FRMD6: variants seen among roughly 807,000 people sequenced by gnomAD.
The protein encoded by FRMD6 is FERM domain containing 6, also known as FERM domain-containing protein 6.
FRMD6 carries 37 observed loss-of-function variants against 73.2 expected under a neutral mutation model. The observed-to-expected ratio is 0.51, with a 90% CI of 0.39 to 0.66. The LOEUF (loss-of-function observed/expected upper bound fraction) is 0.66, where lower values mean the gene tolerates loss of function less well. Ranked by LOEUF, FRMD6 falls within the 30% of genes least tolerant of loss-of-function variation. FRMD6 has a pLI of 0.00. For synonymous variants in FRMD6, 273 were observed against 282.2 expected, an observed-to-expected ratio of 0.97 and a Z score of 0.33; for missense variants, 714 against 780.5, an observed-to-expected ratio of 0.91 and a Z score of 1.02.
the FRMD6 span, among the ~76,000 whole-genome samples, chr14:51,423,575 T>C: frequency 1.3e-5 from 2 of 152,184 alleles, no homozygotes; most frequent in African/African-American, 2.4e-5. Context: ...CACCCTTTAA[T>C]GGACACTGGC....
chr14:51,544,596 C>A (rs1460065391), intron 1 of FRMD6, among the ~76,000 whole-genome samples: 1 of 151,534 alleles, frequency 6.6e-6, no homozygotes, highest in Non-Finnish European at 1.5e-5. Context: ...GCCTTGAATT[C>A]TCCAAAGTGC....
At chr14:51,415,196 G>T in the FRMD6 span, among the ~76,000 whole-genome samples, 1 of 152,188 alleles carries the variant, frequency 6.6e-6, no homozygotes, top group Non-Finnish European at 1.5e-5. Flanking sequence ...ATGTTGAATA[G>T]GAGTGGTGAG....
At chr14:51,564,899 G>T in intron 1 of FRMD6, among the ~76,000 whole-genome samples, 1 of 152,182 alleles carries the variant, frequency 6.6e-6, no homozygotes, top group Non-Finnish European at 1.5e-5. Flanking sequence ...TATTTAAAGA[G>T]AATCAAAAAC....
rs769668838 is a variant in FRMD6 at position 51,603,858 on chromosome 14, T to TA, written c.-147+33455dup. ...CACATGGTGACAGGCACATAAGCAC[T>TA]AAAAAAATGACTAATTTTCAACATA... On this transcript the variant is annotated intron_variant, in intron 2 of 14. Transcript: ENST00000356218. 3.0e-4 allele frequency among the ~76,000 whole-genome samples: 45 copies of TA among 151,370 alleles called. No individual in the cohort carries two copies. The South Asian group carries it at 3.3e-3, about 11-fold the overall frequency.
At chr14:51,656,514 AATGATTCTCCTGCCTC>A (rs1276072188) in intron 1 of FRMD6, among the ~76,000 whole-genome samples, 1 of 151,790 alleles carries the variant, frequency 6.6e-6, no homozygotes, top group Non-Finnish European at 1.5e-5. Context: ...CCCGGGTCCA[AATGATTCTCCTGCCTC>A]AGCCTCCCGA....
intron 1 of FRMD6, among the ~76,000 whole-genome samples, chr14:51,555,395 C>G (rs751706354): frequency 4.7e-4 from 72 of 152,110 alleles, no homozygotes; most frequent in Non-Finnish European, 1.0e-4. Flanking sequence ...AGCCAGGTAC[C>G]TTTGATTTTC....
intron 1 of FRMD6, among the ~76,000 whole-genome samples, chr14:51,662,010 G>A (rs1479325769): frequency 6.6e-6 from 1 of 152,110 alleles, no homozygotes; most frequent in Non-Finnish European, 1.5e-5. Flanking sequence ...GGTAGGGGTA[G>A]GGCTCTAGTA....
Position 51,499,570 on chromosome 14 carries a change from G to A in FRMD6, c.-210+10150G>A, listed in dbSNP as rs574159696. On this transcript the variant is annotated intron_variant, in intron 1 of 14. Coordinates refer to the FRMD6 transcript ENST00000356218. ...CCCAAGGTCACACAGCAAATAAGAC[G>A]TGGAGTAGGGGCCTGACCCCAGGCA... 6.1e-4 allele frequency among the ~76,000 whole-genome samples: 93 copies of A among 152,302 alleles called. 2 individuals carry two copies. The South Asian group carries it at 0.018, about 30-fold the overall frequency.
intron 2 of FRMD6, among the ~76,000 whole-genome samples, chr14:51,611,887 C>T (rs908891266): frequency 2.7e-5 from 4 of 150,938 alleles, no homozygotes; most frequent in Non-Finnish European, 4.4e-5. Flanking sequence ...GATTATATAG[C>T]GATAATGGGG....
At chr14:51,450,242 C>T in the FRMD6 span, among the ~76,000 whole-genome samples, 1 of 152,058 alleles carries the variant, frequency 6.6e-6, no homozygotes, top group Non-Finnish European at 1.5e-5. Context: ...TAGAGCTCTT[C>T]AGGGAAAATG....
At chr14:51,616,954 C>T (rs1890738979) in intron 2 of FRMD6, among the ~76,000 whole-genome samples, 1 of 152,184 alleles carries the variant, frequency 6.6e-6, no homozygotes, top group Admixed American at 6.5e-5. Flanking sequence ...GCATTTTATA[C>T]ACTTCCCTTT....
chr14:51,424,137 G>A, the FRMD6 span, among the ~76,000 whole-genome samples: 1 of 152,304 alleles, frequency 6.6e-6, no homozygotes, highest in South Asian at 2.1e-4. Flanking sequence ...CCTTGATGAG[G>A]TGTTGAAGAA....
At chr14:51,545,185 T>A (rs1307148772) in intron 1 of FRMD6, among the ~76,000 whole-genome samples, 1 of 152,126 alleles carries the variant, frequency 6.6e-6, no homozygotes, top group Non-Finnish European at 1.5e-5. Context: ...TGGTGTCTGT[T>A]AACCGAAGAC....
chr14:51,714,939 A>C (rs1897160594), intron 9 of FRMD6: 1 of 153,902 alleles, frequency 6.5e-6, no homozygotes, highest in African/African-American at 2.4e-5. Flanking sequence ...TTGGTAAATA[A>C]TTTAGAATCT....
intron 1 of FRMD6, among the ~76,000 whole-genome samples, chr14:51,512,817 G>A (rs955995219): frequency 6.6e-6 from 1 of 152,168 alleles, no homozygotes; most frequent in Non-Finnish European, 1.5e-5. Flanking sequence ...GGGCTCAGTG[G>A]TGAGGCAACT....
intron 1 of FRMD6, among the ~76,000 whole-genome samples, chr14:51,680,654 C>T (rs896716587): frequency 6.6e-6 from 1 of 151,796 alleles, no homozygotes; most frequent in Non-Finnish European, 1.5e-5. Flanking sequence ...TTCTTTATTC[C>T]TGCTAGTCCT....
chr14:51,409,340 C>CTTTTTTTTT, the FRMD6 span, among the ~76,000 whole-genome samples: 2 of 84,142 alleles, frequency 2.4e-5, no homozygotes, highest in African/African-American at 4.8e-5. Flanking sequence ...AAGTTTTTTG[C>CTTTTTTTTT]TTTTTTTTTT....
intron 2 of FRMD6, among the ~76,000 whole-genome samples, chr14:51,578,524 G>A (rs1192340720): frequency 6.6e-6 from 1 of 152,088 alleles, no homozygotes; most frequent in Non-Finnish European, 1.5e-5. Context: ...TTGCTTATTC[G>A]CTCTGGTTCT....
intron 1 of FRMD6, among the ~76,000 whole-genome samples, chr14:51,508,210 G>C (rs946821537): frequency 1.3e-5 from 2 of 152,116 alleles, no homozygotes; most frequent in African/African-American, 4.8e-5. Flanking sequence ...CCTGCCTGTT[G>C]CTACTCTCCA....
Sources: gnomAD v4.1 joint callset for allele counts (sites outside exome capture counted in the v4.1 genomes callset) on GRCh38, gnomAD v4.1.1 for gene constraint, MANE v1.5 for transcripts, NCBI Gene and HGNC (gene_info 2026-07-23, HGNC 2026-07-21) for gene names.